Variants in TRERF1 observed in about 807,000 individuals in gnomAD.
TRERF1 encodes the protein transcriptional-regulating factor 1.
A neutral mutation model predicts 122.9 loss-of-function variants in TRERF1; 27 were observed. The observed-to-expected ratio is 0.22, with a 90% confidence interval of 0.16 to 0.30. The LOEUF (loss-of-function observed/expected upper bound fraction) is 0.30. TRERF1 is among the 10% of genes least tolerant of loss of function. The probability of loss-of-function intolerance (pLI) is 1.00; values close to 1 mark genes in which losing one functional copy is unlikely to be tolerated. For missense variants in TRERF1, 1,248 were observed against 1,560.3 expected (o/e 0.80, Z 3.37); for synonymous variants, 636 against 641.7 (o/e 0.99, Z 0.13).
At chr6:42,270,535 T>C (rs1780028783) in intron 4 of TRERF1, among the ~76,000 whole-genome samples, 1 of 152,162 alleles carries the variant, frequency 6.6e-6, no homozygotes. Context: ...TAAGGCACAA[T>C]GCGGAGAAAT....
chr6:42,313,630 G>A (rs1762031437), intron 3 of TRERF1, among the ~76,000 whole-genome samples: 1 of 152,112 alleles, frequency 6.6e-6, no homozygotes, highest in Non-Finnish European at 1.5e-5. Flanking sequence ...GAATTCCCTT[G>A]AAGACCCAAG....
At chr6:42,425,851 G>A (rs796182242) in intron 2 of TRERF1, among the ~76,000 whole-genome samples, 2 of 152,132 alleles carry the variant, frequency 1.3e-5, no homozygotes, top group African/African-American at 4.8e-5. Flanking sequence ...GGCCCCCTGG[G>A]CTTTTTATCT....
At chr6:42,331,324 G>A (rs998967874) in intron 3 of TRERF1, among the ~76,000 whole-genome samples, 7 of 152,200 alleles carry the variant, frequency 4.6e-5, no homozygotes, top group Admixed American at 2.0e-4. Context: ...TCCAGAGAGT[G>A]AGAGAAGCAG....
chr6:42,421,973 A>G (rs6934747), intron 2 of TRERF1, among the ~76,000 whole-genome samples: 6,394 of 150,590 alleles, frequency 0.042, 455 homozygotes, highest in African/African-American at 0.15. Flanking sequence ...TTCGAGACCA[A>G]CCTGGCCAAC....
intron 3 of TRERF1, 104 bp downstream of exon 3, chr6:42,362,893 C>T (rs963999914): frequency 1.3e-4 from 20 of 153,804 alleles, no homozygotes; most frequent in African/African-American, 4.8e-4. Flanking sequence ...GAGCAGCCCT[C>T]CTCCACTTCC....
Position 42,269,283 on chromosome 6 carries a change from T to C in TRERF1, c.308A>G (p.Asn103Ser). ...TGGTGCCCCCCACATCATGTTTGAG[T>C]TGGCCAGGTTTCCACGTAGCTGGAC... The change falls in exon 5 of 18, where the codon AAC becomes AGC. Residue 103 changes from asparagine to serine, a missense_variant. By Grantham distance (46) the Asn-to-Ser change is conservative. This residue lies in a region of TRERF1 where 946 missense variants were observed against 1,073.0 expected (regional missense o/e 0.88). Coordinates refer to ENST00000372922, the Ensembl canonical transcript of TRERF1. The surrounding 1 kb of genome is among the most constrained non-coding windows in gnomAD (Gnocchi z 4.9). The C allele has an allele frequency of 6.2e-7, 1 of 1,614,102 alleles. No individual in the cohort carries two copies. The highest frequency in any genetic ancestry group is 8.5e-7 in the Non-Finnish European group (1 of 1,180,010).
chr6:42,450,122 G>A (rs1465978329), intron 2 of TRERF1, among the ~76,000 whole-genome samples: 1 of 152,232 alleles, frequency 6.6e-6, no homozygotes, highest in Non-Finnish European at 1.5e-5. Context: ...GGCAAAGGCT[G>A]CTGGTTAACT....
chr6:42,408,138 C>A (rs1780456425), intron 2 of TRERF1, among the ~76,000 whole-genome samples: 1 of 150,904 alleles, frequency 6.6e-6, no homozygotes, highest in Admixed American at 6.6e-5. Context: ...CTGTGCTTAA[C>A]TTTGATAACA....
chr6:42,257,200 C>A, intron 10 of TRERF1, 98 bp from the exon 11 acceptor site: 1 of 1,447,474 alleles, frequency 6.9e-7, no homozygotes, highest in South Asian at 1.3e-5. Context: ...GAAACTAGTT[C>A]TTTCTGCAAG....
intron 3 of TRERF1, among the ~76,000 whole-genome samples, chr6:42,360,099 A>C (rs1771435296): frequency 6.6e-6 from 1 of 152,268 alleles, no homozygotes; most frequent in Admixed American, 6.5e-5. Context: ...ACATAAAAAC[A>C]TAAAGGTGAC....
chr6:42,365,814 C>T (rs544126151), intron 2 of TRERF1, among the ~76,000 whole-genome samples: 1 of 152,292 alleles, frequency 6.6e-6, no homozygotes, highest in Admixed American at 6.5e-5. Flanking sequence ...AAGTTACCTC[C>T]CAGCACTGCC....
chr6:42,370,088 G>T (rs1053821312), intron 2 of TRERF1, among the ~76,000 whole-genome samples: 6 of 152,140 alleles, frequency 3.9e-5, no homozygotes, highest in Admixed American at 3.9e-4. Context: ...CAAAGAGGCT[G>T]CCTCTGAGGA....
At chr6:42,262,434 C>CAGAGAGAG (rs71778190) in intron 8 of TRERF1, among the ~76,000 whole-genome samples, 22 of 22,552 alleles carry the variant, frequency 9.8e-4, no homozygotes, top group South Asian at 1.7e-3. Context: ...TCCCTAGGGG[C>CAGAGAGAG]AGAGAGAGAG....
At position 42,364,462 on chromosome 6, in the gene TRERF1, T is replaced by G. The variant is rs186980004; in HGVS notation, c.-453-1383A>C. Among the ~76,000 whole-genome samples the G allele has an allele frequency of 4.0e-4, 61 of 152,332 alleles. 1 individual carries two copies. The highest frequency in any genetic ancestry group is 1.3e-3 in the African/African-American group (54 of 41,576). ...CCCTGAGAGCAGGGACATCGTATTATGGTGTGCCCAGAGCCTGGCACATAG... is the reference window on the plus strand; with the variant it reads ...CCCTGAGAGCAGGGACATCGTATTAGGGTGTGCCCAGAGCCTGGCACATAG... On this transcript the variant is annotated intron_variant, in intron 2 of 17. Coordinates refer to ENST00000372922, the Ensembl canonical transcript of TRERF1.
intron 3 of TRERF1, among the ~76,000 whole-genome samples, chr6:42,347,868 G>A (rs745515593): frequency 2.4e-4 from 36 of 152,338 alleles, no homozygotes; most frequent in East Asian, 7.7e-4. Flanking sequence ...CAGAGGGAGC[G>A]GAGGTAAAAC....
rs1318801046 is a variant in TRERF1 at position 42,276,166 on chromosome 6, C to T, written c.-258-6318G>A. Among the ~76,000 whole-genome samples, 1 of 152,206 alleles carries T rather than the reference C, an allele frequency of 6.6e-6. No individual in the cohort carries two copies. The highest frequency in any genetic ancestry group is 1.5e-5 in the Non-Finnish European group (1 of 68,038). The stretch of plus-strand genomic sequence containing the variant: ...CCCCCTGGCCTGGGGCACCAGGAGA[C>T]AAGGCCGCAGTCTGCAAGAAGGATA... On this transcript the variant is annotated intron_variant, in intron 4 of 17. Coordinates refer to ENST00000372922, the Ensembl canonical transcript of TRERF1. This position sits in a 1 kb window ranked among gnomAD's most constrained non-coding sequence, Gnocchi z 4.3.
Position 42,263,098 on chromosome 6 carries a change from G to A in TRERF1, c.1884+222C>T, listed in dbSNP as rs950872001. Among the ~76,000 whole-genome samples the A allele has an allele frequency of 1.3e-5, 2 of 152,208 alleles. No individual in the cohort carries two copies. The highest frequency in any genetic ancestry group is 4.8e-5 in the African/African-American group (2 of 41,456). On this transcript the variant is annotated intron_variant, in intron 8 of 17. Coordinates refer to ENST00000372922, the Ensembl canonical transcript of TRERF1. The surrounding 1 kb of genome is among the most constrained non-coding windows in gnomAD (Gnocchi z 5.6). ...TAGTTTGGCATTTAATGGGGAGCAGGCAGTGTGAACAAGGGTAGGGTTCCC... is the reference window on the plus strand; with the variant it reads ...TAGTTTGGCATTTAATGGGGAGCAGACAGTGTGAACAAGGGTAGGGTTCCC...
At chr6:42,364,906 G>A (rs760470404) in intron 2 of TRERF1, among the ~76,000 whole-genome samples, 1 of 152,214 alleles carries the variant, frequency 6.6e-6, no homozygotes, top group Non-Finnish European at 1.5e-5. Context: ...AGGGGCCGCA[G>A]GAAGCATGGG....
Position 42,259,877 on chromosome 6 carries a change from T to C in TRERF1, c.1885-154A>G, listed in dbSNP as rs2149788941. ...CGCCCCCACATTCTGACCACATCCA[T>C]TTTAGGCAAAGCGAGTTCTGGTTGC... On this transcript the variant is annotated intron_variant, in intron 8 of 17. Transcript: ENST00000372922. This position sits in a 1 kb window ranked among gnomAD's most constrained non-coding sequence, Gnocchi z 4.9. 6.7e-6 allele frequency among the ~76,000 whole-genome samples: 1 copy of C among 148,524 alleles called. No homozygotes were observed. Among genetic ancestry groups the C allele is most frequent in the East Asian group, 2.1e-4 (1 of 4,776 alleles).
Sources: allele counts gnomAD v4.1 joint callset (sites outside exome capture counted in the v4.1 genomes callset), GRCh38; gene constraint gnomAD v4.1.1; regional missense constraint gnomAD v4.1.1; non-coding constraint Gnocchi (gnomAD v3.1); transcripts MANE v1.5; gene names NCBI Gene and HGNC (gene_info 2026-07-23, HGNC 2026-07-21).